MLLT1: variants seen among roughly 807,000 people sequenced by gnomAD.
MLLT1 encodes the protein protein ENL.
In MLLT1, 11 loss-of-function variants were observed where a neutral mutation model predicts 55.1. The observed-to-expected ratio is 0.20, with a 90% CI of 0.13 to 0.33. MLLT1 has a LOEUF of 0.33. Among genes scored for constraint, MLLT1 ranks in the 10% least tolerant of loss-of-function variants. MLLT1 has a pLI of 1.00. For synonymous variants in MLLT1, 323 were observed against 320.1 expected, an observed-to-expected ratio of 1.01 and a Z score of -0.10; for missense variants, 536 against 760.6, an observed-to-expected ratio of 0.70 and a Z score of 3.47.
chr19:6,213,847 C>T lies in MLLT1; in HGVS notation c.1408-50G>A, dbSNP rs548641149. Reference sequence around the variant, plus strand: ...GAGCTGTGGCCCACACCCTCCCCAGCCCCGAAGGCCCCACAAACCCTCCTA... The same window carrying T: ...GAGCTGTGGCCCACACCCTCCCCAGTCCCGAAGGCCCCACAAACCCTCCTA... On this transcript the variant is annotated intron_variant, in intron 9 of 11. Coordinates refer to ENST00000252674, the MANE Select transcript of MLLT1 (RefSeq NM_005934.4). 2.0e-5 allele frequency: 32 copies of T among 1,594,904 alleles called. No homozygotes were observed. In the South Asian group the frequency reaches 3.3e-4, roughly 17 times the overall value.
In MLLT1 at chr19:6,212,740, C is replaced by T; in HGVS notation, c.*302G>A. The T allele has an allele frequency of 7.0e-6, 8 of 1,139,354 alleles. No individual in the cohort carries two copies. The South Asian group carries it at 1.3e-4, about 18-fold the overall frequency. The allele number at this position is 1,139,354 out of a possible 1,614,324, so 70.6% of individuals were successfully genotyped here. A position where few individuals can be genotyped will look rare whatever the true frequency, so the allele number is the denominator to read the frequency against. ...AGTGGGGGCTGGTCCCAAGGCTGGG[C>T]GAGGGGCCCCCGGCCCTGTCTCTGC... On this transcript the variant is annotated 3_prime_UTR_variant, in exon 12 of 12. Coordinates refer to ENST00000252674, the MANE Select transcript of MLLT1 (RefSeq NM_005934.4).
chr19:6,270,475 TGGA>T lies in MLLT1; in HGVS notation c.193+101_193+103del. The T allele has an allele frequency of 7.9e-7, 1 of 1,260,360 alleles. No individual in the cohort carries two copies. Among genetic ancestry groups the T allele is most frequent in the Non-Finnish European group, 1.1e-6 (1 of 921,144 alleles). 78.1% of individuals were successfully genotyped at this position (1,260,360 alleles called of 1,614,324 possible). A position where few individuals can be genotyped will look rare whatever the true frequency, so the allele number is the denominator to read the frequency against. ...GGGACGCAAGCTGGAACCTCATGGT[TGGA>T]GGGGTCCTGCTGCTCCTGAGGGAGG... On this transcript the variant is annotated intron_variant, in intron 2 of 11. Transcript: ENST00000252674. This position sits in a 1 kb window ranked among gnomAD's most constrained non-coding sequence, Gnocchi z 7.1.
chr19:6,216,635 C>T (rs2090847265), intron 7 of MLLT1, 122 bp from the exon 8 acceptor site: 1 of 661,652 alleles, frequency 1.5e-6, no homozygotes, highest in Non-Finnish European at 2.6e-6. Context: ...ATGCACACGC[C>T]CGTCCACCTG....
At chr19:6,267,384 C>T (rs992210426) in intron 2 of MLLT1, among the ~76,000 whole-genome samples, 6 of 138,740 alleles carry the variant, frequency 4.3e-5, no homozygotes, top group Admixed American at 7.7e-5. Context: ...CATGAACCAC[C>T]GCACCCGGCC....
At chr19:6,221,680 C>T (rs2090898042) in intron 6 of MLLT1, among the ~76,000 whole-genome samples, 1 of 152,236 alleles carries the variant, frequency 6.6e-6, no homozygotes, top group Non-Finnish European at 1.5e-5. Flanking sequence ...CATCATTAAC[C>T]TCCAGACAAG....
At chr19:6,239,244 G>A (rs1310106924) in intron 3 of MLLT1, among the ~76,000 whole-genome samples, 1 of 152,218 alleles carries the variant, frequency 6.6e-6, no homozygotes, top group Non-Finnish European at 1.5e-5. Context: ...ACAGAAATGT[G>A]GAAAAAAGAC....
rs2144838604 is a variant in MLLT1 at position 6,212,988 on chromosome 19, C to T, written c.*54G>A. On this transcript the variant is annotated 3_prime_UTR_variant, in exon 12 of 12. Transcript: ENST00000252674. The stretch of plus-strand genomic sequence containing the variant: ...GACGGGAGAGGAGGGCAGGCGAGGC[C>T]TGGCTGCAGCCTCCCAGGACCCCGG... 6.2e-7 allele frequency: 1 copy of T among 1,601,482 alleles called. No homozygotes were observed.
At chr19:6,263,714 G>A (rs1465475590) in intron 2 of MLLT1, among the ~76,000 whole-genome samples, 4 of 152,336 alleles carry the variant, frequency 2.6e-5, no homozygotes, top group African/African-American at 4.8e-5. Flanking sequence ...GAGAGTGAAG[G>A]CAGGAGGGAG....
chr19:6,211,055 T>C lies in MLLT1; in HGVS notation c.*1987A>G, dbSNP rs149591366. On this transcript the variant is annotated 3_prime_UTR_variant, in exon 12 of 12. Transcript: ENST00000252674. The surrounding 1 kb of genome is among the most constrained non-coding windows in gnomAD (Gnocchi z 4.6). ...GGCTGCTCGAGTCGCTGTGTGGATTTTGGGGGACTCCTGCGAAGGAGAAAG... is the reference window on the plus strand; with the variant it reads ...GGCTGCTCGAGTCGCTGTGTGGATTCTGGGGGACTCCTGCGAAGGAGAAAG... 2.2e-5 allele frequency: 5 copies of C among 230,914 alleles called. No individual in the cohort carries two copies. Among genetic ancestry groups the C allele is most frequent in the Middle Eastern group, 2.6e-3 (2 of 776 alleles). The allele number at this position is 230,914 out of a possible 1,614,324, so 14.3% of individuals were successfully genotyped here.
chr19:6,239,036 TG>T (rs2091090051), intron 3 of MLLT1, among the ~76,000 whole-genome samples: 2 of 152,248 alleles, frequency 1.3e-5, no homozygotes, highest in Non-Finnish European at 2.9e-5. Context: ...TCAGGTTTCG[TG>T]GCATCTGGCC....
chr19:6,237,679 G>A (rs1224729331), intron 3 of MLLT1, among the ~76,000 whole-genome samples: 3 of 149,720 alleles, frequency 2.0e-5, no homozygotes, highest in Non-Finnish European at 4.4e-5. Context: ...TGAGGCAGGA[G>A]AATGGCATGA....
rs1400862355 is a variant in MLLT1, at chr19:6,212,903, T to C, written c.*139A>G. ...GTGGGCAGGGAGCCGCCGAGGAAAG[T>C]GCAGCGGGCTGTGCGGGCGAGGACA... is the stretch of plus-strand genomic sequence containing the variant. On this transcript the variant is annotated 3_prime_UTR_variant, in exon 12 of 12. Transcript: ENST00000252674. 2 of 1,162,034 alleles carry C rather than the reference T, an allele frequency of 1.7e-6. No homozygotes were observed. Among genetic ancestry groups the C allele is most frequent in the Non-Finnish European group, 2.4e-6 (2 of 843,534 alleles). The allele number at this position is 1,162,034 out of a possible 1,614,324, so 72.0% of individuals were successfully genotyped here.
rs771171548 is a variant in MLLT1 at position 6,222,545 on chromosome 19, G to A, written c.686C>T (p.Thr229Ile). The A allele has an allele frequency of 2.5e-6, 4 of 1,600,974 alleles. No individual in the cohort carries two copies. The highest frequency in any genetic ancestry group is 2.2e-5 in the South Asian group (2 of 91,060). The change falls in exon 6 of 12, where the codon ACC (threonine) becomes ATC (isoleucine). Residue 229 changes from threonine to isoleucine, a missense_variant. Coordinates refer to ENST00000252674, the MANE Select transcript of MLLT1 (RefSeq NM_005934.4). The surrounding 1 kb of genome is among the most constrained non-coding windows in gnomAD (Gnocchi z 4.1). ...EREQAKSSKDTSRKLGEGRLP... is the reference protein window; with the variant it reads ...EREQAKSSKDISRKLGEGRLP... ...CCGGCCCTCGCCCAGCTTCCGCGAG[G>A]TGTCCTTGGAGCTTTTGGCCTGCTC...
In MLLT1 at chr19:6,212,872, G is replaced by A. The variant is rs1288061320; in HGVS notation, c.*170C>T. On this transcript the variant is annotated 3_prime_UTR_variant, in exon 12 of 12. Transcript: ENST00000252674. ...CCCCAGGGCTCCTGGCGATGGAGCG[G>A]GGAGAGTGGGCAGGGAGCCGCCGAG... is the stretch of plus-strand genomic sequence containing the variant. 3.0e-6 allele frequency: 3 copies of A among 1,013,200 alleles called. No homozygotes were observed. Among genetic ancestry groups the A allele is most frequent in the Admixed American group, 3.0e-5 (1 of 33,214 alleles). The allele number at this position is 1,013,200 out of a possible 1,614,324, so 62.8% of individuals were successfully genotyped here.
At position 6,219,460 on chromosome 19, in the gene MLLT1, G is replaced by A. The variant is rs2090874655; in HGVS notation, c.1111-1419C>T. Among the ~76,000 whole-genome samples the A allele has an allele frequency of 6.6e-6, 1 of 152,202 alleles. No individual in the cohort carries two copies. The highest frequency in any genetic ancestry group is 1.5e-5 in the Non-Finnish European group (1 of 68,024). The stretch of plus-strand genomic sequence containing the variant: ...TGCACAGCCTGGACTTCTGTTCTTG[G>A]GGGCCAGGGGTGAGTAAGAGGTGAC... On this transcript the variant is annotated intron_variant, in intron 6 of 11. Transcript: ENST00000252674. This position sits in a 1 kb window ranked among gnomAD's most constrained non-coding sequence, Gnocchi z 4.5.
chr19:6,245,392 C>A (rs1285814438), intron 3 of MLLT1, among the ~76,000 whole-genome samples: 1 of 151,046 alleles, frequency 6.6e-6, no homozygotes, highest in Non-Finnish European at 1.5e-5. Flanking sequence ...GTGCCCAGCC[C>A]TTAAAAAAGT....
Position 6,222,103 on chromosome 19 carries a change from C to T in MLLT1, c.1110+18G>A. The T allele has an allele frequency of 1.4e-6, 2 of 1,481,062 alleles. No homozygotes were observed. The highest frequency in any genetic ancestry group is 1.8e-6 in the Non-Finnish European group (2 of 1,113,368). 91.7% of individuals were successfully genotyped at this position (1,481,062 alleles called of 1,614,324 possible). A position where few individuals can be genotyped will look rare whatever the true frequency, so the allele number is the denominator to read the frequency against. On this transcript the variant is annotated intron_variant, in intron 6 of 11. Coordinates refer to ENST00000252674, the MANE Select transcript of MLLT1 (RefSeq NM_005934.4). This position sits in a 1 kb window ranked among gnomAD's most constrained non-coding sequence, Gnocchi z 4.1. ...ACACTGCCTGCACCTGGCTGCCCTG[C>T]CCCCAGCACTCACTCACCTCGGACT... is the stretch of plus-strand genomic sequence containing the variant.
At chr19:6,260,202 G>A (rs114895735) in intron 3 of MLLT1, among the ~76,000 whole-genome samples, 1,683 of 152,150 alleles carry the variant, frequency 0.011, 30 homozygotes, top group African/African-American at 0.038. Flanking sequence ...CCCCACACAG[G>A]GGAGGATGCT....
At chr19:6,213,672 T>TCCCCCCCCC in intron 10 of MLLT1, 54 bp downstream of exon 10, 4 of 1,075,318 alleles carry the variant, frequency 3.7e-6, no homozygotes, top group Non-Finnish European at 5.7e-6. Context: ...TGGCTGCAAC[T>TCCCCCCCCC]CCCACCACCC....
Sources: allele counts gnomAD v4.1 joint callset (sites outside exome capture counted in the v4.1 genomes callset), GRCh38; gene constraint gnomAD v4.1.1; non-coding constraint Gnocchi (gnomAD v3.1); transcripts MANE v1.5; gene names NCBI Gene and HGNC (gene_info 2026-07-23, HGNC 2026-07-21).